Variants in GRID2 observed in about 807,000 individuals in gnomAD.
GRID2 encodes glutamate ionotropic receptor delta type subunit 2, also known as glutamate receptor ionotropic, delta-2.
In GRID2, 33 loss-of-function variants were observed where a neutral mutation model predicts 114.8. That is an observed-to-expected ratio of 0.29 (90% CI 0.22 to 0.38). The LOEUF is 0.38. Among genes scored for constraint, GRID2 ranks in the 10% least tolerant of loss-of-function variants. The pLI is 1.00. For missense variants in GRID2, 1,184 were observed against 1,257.7 expected, an observed-to-expected ratio of 0.94 and a Z score of 0.89; for synonymous variants, 505 against 449.9, an observed-to-expected ratio of 1.12 and a Z score of -1.55.
chr4:93,718,375 A>G (rs990460925), intron 14 of GRID2, among the ~76,000 whole-genome samples: 24 of 152,328 alleles, frequency 1.6e-4, no homozygotes, highest in African/African-American at 5.8e-4. Flanking sequence ...GAGAATAGTC[A>G]TTTTAAATAA....
intron 1 of GRID2, among the ~76,000 whole-genome samples, chr4:92,372,474 G>A (rs1164358808): frequency 6.6e-6 from 1 of 152,134 alleles, no homozygotes; most frequent in African/African-American, 2.4e-5. Flanking sequence ...AAAAGATTCT[G>A]ACTCACAGAA....
At chr4:93,634,201 AG>A (rs1721206566) in intron 14 of GRID2, among the ~76,000 whole-genome samples, 1 of 152,176 alleles carries the variant, frequency 6.6e-6, no homozygotes, top group Non-Finnish European at 1.5e-5. Flanking sequence ...AAATCAGTGA[AG>A]GTTAGAATAA....
chr4:93,230,138 G>A (rs1349216369), intron 7 of GRID2, among the ~76,000 whole-genome samples: 1 of 115,472 alleles, frequency 8.7e-6, no homozygotes, highest in Non-Finnish European at 1.9e-5. Context: ...AATAGGATGT[G>A]TGTGTATGCG....
intron 8 of GRID2, among the ~76,000 whole-genome samples, chr4:93,265,875 T>G (rs1219248624): frequency 6.6e-6 from 1 of 152,172 alleles, no homozygotes; most frequent in Non-Finnish European, 1.5e-5. Context: ...CATTTCTTGT[T>G]GCATTTGTAG....
intron 8 of GRID2, among the ~76,000 whole-genome samples, chr4:93,357,014 T>C (rs1449410358): frequency 6.6e-6 from 1 of 151,744 alleles, no homozygotes; most frequent in Non-Finnish European, 1.5e-5. Flanking sequence ...GGAATATCTA[T>C]ATTTAAATTC....
At chr4:93,586,821 T>C (rs989343911) in intron 13 of GRID2, among the ~76,000 whole-genome samples, 3 of 152,108 alleles carry the variant, frequency 2.0e-5, no homozygotes, top group African/African-American at 4.8e-5. Context: ...TGATCTTCCC[T>C]AGCATGGGCA....
chr4:92,814,187 G>C (rs1043724206), intron 2 of GRID2, among the ~76,000 whole-genome samples: 1 of 152,046 alleles, frequency 6.6e-6, no homozygotes, highest in Non-Finnish European at 1.5e-5. Context: ...CTTGATCCTT[G>C]GATTGGATCT....
chr4:92,819,107 A>C (rs1428289290), intron 2 of GRID2, among the ~76,000 whole-genome samples: 1 of 150,564 alleles, frequency 6.6e-6, no homozygotes, highest in East Asian at 1.9e-4. Flanking sequence ...CTTTACTCCC[A>C]GCATGAGCAT....
chr4:93,325,937 A>T (rs928809679), intron 8 of GRID2, among the ~76,000 whole-genome samples: 6 of 152,172 alleles, frequency 3.9e-5, no homozygotes, highest in South Asian at 2.1e-4. Context: ...TTCTCAAGAG[A>T]TACATTTTGT....
chr4:93,605,184 C>T (rs1033109253), intron 13 of GRID2, among the ~76,000 whole-genome samples: 3 of 151,918 alleles, frequency 2.0e-5, no homozygotes, highest in African/African-American at 7.3e-5. Context: ...AATGTGATAA[C>T]CCACTAGCCC....
At chr4:92,463,464 G>C (rs1000066122) in intron 1 of GRID2, among the ~76,000 whole-genome samples, 2 of 151,790 alleles carry the variant, frequency 1.3e-5, no homozygotes, top group Admixed American at 6.6e-5. Flanking sequence ...GACAACTTTT[G>C]GGAAAACATT....
intron 1 of GRID2, among the ~76,000 whole-genome samples, chr4:92,320,101 C>A (rs1230737904): frequency 6.6e-6 from 1 of 151,982 alleles, no homozygotes; most frequent in Admixed American, 6.6e-5. Flanking sequence ...GAAACCATTT[C>A]GGGAGAGAAA....
intron 1 of GRID2, among the ~76,000 whole-genome samples, chr4:92,390,174 A>G (rs1560602238): frequency 6.6e-6 from 1 of 152,116 alleles, no homozygotes; most frequent in Non-Finnish European, 1.5e-5. Context: ...AGAAACAAAC[A>G]TTAATTAAGT....
intron 13 of GRID2, among the ~76,000 whole-genome samples, chr4:93,543,947 T>C (rs1732929103): frequency 6.6e-6 from 1 of 152,224 alleles, no homozygotes; most frequent in African/African-American, 2.4e-5. Context: ...AACTTGCTTT[T>C]TATATTATTC....
intron 2 of GRID2, among the ~76,000 whole-genome samples, chr4:93,065,467 G>C (rs1203548994): frequency 6.6e-6 from 1 of 151,766 alleles, no homozygotes; most frequent in African/African-American, 2.4e-5. Context: ...AGAAGTGACT[G>C]TTTTTACTTT....
intron 8 of GRID2, among the ~76,000 whole-genome samples, chr4:93,276,492 G>A (rs1454536595): frequency 6.6e-6 from 1 of 151,802 alleles, no homozygotes; most frequent in African/African-American, 2.4e-5. Context: ...ATTTTGATGG[G>A]GATTGTGTTG....
chr4:93,267,070 T>G (rs971986747), intron 8 of GRID2, among the ~76,000 whole-genome samples: 2 of 152,114 alleles, frequency 1.3e-5, no homozygotes, highest in Non-Finnish European at 2.9e-5. Context: ...GTTTCACTTA[T>G]GATAATGGCT....
At chr4:92,932,841 T>A (rs1474393551) in intron 2 of GRID2, among the ~76,000 whole-genome samples, 2 of 151,346 alleles carry the variant, frequency 1.3e-5, no homozygotes, top group Non-Finnish European at 3.0e-5. Context: ...GTATATTCTG[T>A]ATGTATGTGA....
chr4:92,979,208 A>C (rs2149184513), intron 2 of GRID2, among the ~76,000 whole-genome samples: 1 of 152,210 alleles, frequency 6.6e-6, no homozygotes, highest in Non-Finnish European at 1.5e-5. Flanking sequence ...TGTCATTATT[A>C]ATTGAATATT....
Sources: gnomAD v4.1 joint callset for allele counts (sites outside exome capture counted in the v4.1 genomes callset) on GRCh38, gnomAD v4.1.1 for gene constraint, MANE v1.5 for transcripts, NCBI Gene and HGNC (gene_info 2026-07-23, HGNC 2026-07-21) for gene names.